FAM83B: variants seen among roughly 807,000 people sequenced by gnomAD.
FAM83B encodes the protein scaffolding CK1 anchoring protein B.
In FAM83B, 26 loss-of-function variants were observed where a neutral mutation model predicts 38.8. The ratio of observed to expected loss-of-function variants is 0.67; its 90% confidence interval spans 0.49 to 0.93. The LOEUF (loss-of-function observed/expected upper bound fraction) is 0.93. FAM83B is among the 40% of genes least tolerant of loss of function. FAM83B has a pLI of 0.00. For synonymous variants in FAM83B, 419 were observed against 423.1 expected (o/e 0.99, Z 0.12); for missense variants, 1,237 against 1,197.3 (o/e 1.03, Z -0.49).
Position 54,870,687 on chromosome 6 carries a change from A to G in FAM83B, c.441A>G (p.Arg147=). 6.3e-7 allele frequency: 1 copy of G among 1,585,372 alleles called. No individual in the cohort carries two copies. Among genetic ancestry groups the G allele is most frequent in the South Asian group, 1.1e-5 (1 of 87,296 alleles). ...ETIRKMIKEA[R]KVIALVMDIF... is the part of the protein sequence containing the mutation. ...TTCGGAAGATGATAAAAGAAGCAAG[A>G]AAGGTAATAACATTTCTATTTTGAA... The change falls in exon 2 of 5, where the codon AGA becomes AGG. Residue 147 remains arginine, a synonymous_variant. Transcript: ENST00000306858.
In FAM83B at chr6:54,940,009, T is replaced by C; in HGVS notation, c.1038T>C (p.Asn346=). The change falls in exon 5 of 5, where the codon AAT becomes AAC. Residue 346 remains asparagine, a synonymous_variant. Transcript: ENST00000306858. ...AAAACAGAGGGATATATACTTTAAA[T>C]GAACATGACAAATATAACATAAGAA... The part of the protein sequence containing the change: ...YFKNRGIYTL[N]EHDKYNIRSH... 6.2e-7 allele frequency: 1 copy of C among 1,614,048 alleles called. No homozygotes were observed. The highest frequency in any genetic ancestry group is 1.1e-5 in the South Asian group (1 of 91,090).
rs1773713806 is a variant in FAM83B at position 54,941,921 on chromosome 6, G to A, written c.2950G>A (p.Gly984Ser). The change falls in exon 5 of 5, where the codon GGT (glycine) becomes AGT (serine). Residue 984 changes from glycine (G) to serine (S), a missense_variant. By Grantham distance (56) the Gly-to-Ser change is moderately conservative. Transcript: ENST00000306858. ...TAGTCCATTGCTTAATTACAACACT[G>A]GTGTTTATCGCTCATATCAACCCAA... is the stretch of plus-strand genomic sequence containing the variant. Reference protein sequence around the residue: ...RSSPLLNYNTGVYRSYQPNEN... With the variant: ...RSSPLLNYNTSVYRSYQPNEN... 2 of 1,613,912 alleles carry A rather than the reference G, an allele frequency of 1.2e-6. No homozygotes were observed. Among genetic ancestry groups the A allele is most frequent in the Non-Finnish European group, 1.7e-6 (2 of 1,179,946 alleles).
chr6:54,924,060 A>G lies in FAM83B; in HGVS notation c.445-2311A>G, dbSNP rs183646045. Among the ~76,000 whole-genome samples the G allele has an allele frequency of 9.7e-4, 147 of 152,026 alleles. 1 individual carries two copies. Among genetic ancestry groups the G allele is most frequent in the African/African-American group, 2.2e-3 (93 of 41,474 alleles). ...TCACCTTAAAATATTTTTAGATTCT[A>G]CATATGAGTGACATCACTCAGTATT... is the stretch of plus-strand genomic sequence containing the variant. On this transcript the variant is annotated intron_variant, in intron 2 of 4. Coordinates refer to ENST00000306858, the MANE Select transcript of FAM83B (RefSeq NM_001010872.3).
At chr6:54,901,275 A>C (rs1170510987) in intron 2 of FAM83B, among the ~76,000 whole-genome samples, 2 of 152,180 alleles carry the variant, frequency 1.3e-5, no homozygotes, top group East Asian at 3.9e-4. Flanking sequence ...CCAGTGGGAC[A>C]GGGGAATTTG....
intron 4 of FAM83B, among the ~76,000 whole-genome samples, chr6:54,928,642 G>A (rs938766190): frequency 3.3e-5 from 5 of 152,088 alleles, no homozygotes; most frequent in South Asian, 2.1e-4. Context: ...CTTGAAATTC[G>A]TGAGTCCTTT....
Position 54,941,173 on chromosome 6 carries a change from T to C in FAM83B, c.2202T>C (p.Thr734=). 1 of 1,614,070 alleles carries C rather than the reference T, an allele frequency of 6.2e-7. No homozygotes were observed. Among genetic ancestry groups the C allele is most frequent in the Non-Finnish European group, 8.5e-7 (1 of 1,179,986 alleles). ...AGAGAAACTCTCCAAGTGGCACTACTACCAAATCAGTTTCCATTGCTGCTT... is the reference window on the plus strand; with the variant it reads ...AGAGAAACTCTCCAAGTGGCACTACCACCAAATCAGTTTCCATTGCTGCTT... ...VTKRNSPSGT[T]TKSVSIAALL... is the part of the protein sequence containing the mutation. The change falls in exon 5 of 5, where the codon ACT becomes ACC. Residue 734 remains threonine (T), a synonymous_variant. Coordinates refer to ENST00000306858, the MANE Select transcript of FAM83B (RefSeq NM_001010872.3).
At chr6:54,919,034 T>C (rs1460212594) in intron 2 of FAM83B, among the ~76,000 whole-genome samples, 1 of 152,126 alleles carries the variant, frequency 6.6e-6, no homozygotes, top group African/African-American at 2.4e-5. Flanking sequence ...TGAGGGCCCA[T>C]GCGTGGGACA....
intron 2 of FAM83B, among the ~76,000 whole-genome samples, chr6:54,924,034 C>T (rs1773229280): frequency 6.6e-6 from 1 of 151,950 alleles, no homozygotes; most frequent in Admixed American, 6.6e-5. Flanking sequence ...CGTTATTTCT[C>T]TCACCTTAAA....
intron 2 of FAM83B, among the ~76,000 whole-genome samples, chr6:54,894,731 C>T (rs1420596047): frequency 2.0e-5 from 3 of 152,092 alleles, no homozygotes; most frequent in South Asian, 2.1e-4. Flanking sequence ...GTAACAGGCC[C>T]TTAGAATTTA....
At chr6:54,931,566 G>GT in intron 4 of FAM83B, among the ~76,000 whole-genome samples, 1 of 151,902 alleles carries the variant, frequency 6.6e-6, no homozygotes, top group South Asian at 2.1e-4. Context: ...TCTCTTATAA[G>GT]TTTTTTATTT....
intron 2 of FAM83B, among the ~76,000 whole-genome samples, chr6:54,876,278 CATATATATATATAT>C (rs3996949): frequency 0.012 from 1,119 of 96,120 alleles, 34 homozygotes; most frequent in African/African-American, 0.04. Flanking sequence ...TTTAGGAGTG[CATATATATATATAT>C]ATATATATAT....
chr6:54,882,136 G>A (rs527532348), intron 2 of FAM83B, among the ~76,000 whole-genome samples: 3 of 152,174 alleles, frequency 2.0e-5, no homozygotes, highest in Admixed American at 6.5e-5. Context: ...GTGTATATGT[G>A]CCACATTTTC....
Position 54,940,896 on chromosome 6 carries a change from T to G in FAM83B, c.1925T>G (p.Leu642Trp), listed in dbSNP as rs1773666553. ...TCAAATAACTATATATATAAAACCTTGGGTGTAAATAAGCAGACAGAAAAT... is the reference window on the plus strand; with the variant it reads ...TCAAATAACTATATATATAAAACCTGGGGTGTAAATAAGCAGACAGAAAAT... ...TESNNYIYKTLGVNKQTENLK... is the reference protein window; with the variant it reads ...TESNNYIYKTWGVNKQTENLK... The change falls in exon 5 of 5, where the codon TTG (leucine) becomes TGG (tryptophan). Residue 642 changes from leucine (L) to tryptophan (W), a missense_variant. Leu to Trp is a moderately conservative substitution (Grantham distance 61, BLOSUM62 -2). Coordinates refer to ENST00000306858, the MANE Select transcript of FAM83B (RefSeq NM_001010872.3). 1.2e-6 allele frequency: 2 copies of G among 1,613,464 alleles called. No homozygotes were observed. The highest frequency in any genetic ancestry group is 2.7e-5 in the African/African-American group (2 of 74,854).
chr6:54,933,324 TATTCTC>T (rs1773462899), intron 4 of FAM83B, among the ~76,000 whole-genome samples: 1 of 152,120 alleles, frequency 6.6e-6, no homozygotes, highest in Non-Finnish European at 1.5e-5. Context: ...TCTTTGTTGA[TATTCTC>T]ATTCCATTGG....
chr6:54,866,978 A>AT (rs991290350), intron 1 of FAM83B, among the ~76,000 whole-genome samples: 1 of 151,558 alleles, frequency 6.6e-6, no homozygotes, highest in African/African-American at 2.4e-5. Context: ...GCAATTTTTA[A>AT]TTTTTTTTGA....
chr6:54,896,712 A>C (rs1481504104), intron 2 of FAM83B, among the ~76,000 whole-genome samples: 1 of 152,216 alleles, frequency 6.6e-6, no homozygotes, highest in African/African-American at 2.4e-5. Flanking sequence ...ATAATACTAA[A>C]TTTAAATTAT....
chr6:54,912,897 T>C (rs915235727), intron 2 of FAM83B, among the ~76,000 whole-genome samples: 2 of 151,988 alleles, frequency 1.3e-5, no homozygotes, highest in Non-Finnish European at 2.9e-5. Context: ...ATTAGGTAGA[T>C]AGAAATTGAC....
intron 2 of FAM83B, among the ~76,000 whole-genome samples, chr6:54,891,257 C>T (rs761345649): frequency 2.6e-5 from 4 of 152,228 alleles, no homozygotes; most frequent in South Asian, 2.1e-4. Flanking sequence ...AGGCTACTGT[C>T]GTCCACATGA....
intron 1 of FAM83B, among the ~76,000 whole-genome samples, chr6:54,855,827 T>C (rs1771434452): frequency 6.6e-6 from 1 of 152,164 alleles, no homozygotes; most frequent in African/African-American, 2.4e-5. Flanking sequence ...AGTAAATAAT[T>C]TGATAAAACC....
Sources: allele counts gnomAD v4.1 joint callset (sites outside exome capture counted in the v4.1 genomes callset), GRCh38; gene constraint gnomAD v4.1.1; transcripts MANE v1.5; gene names NCBI Gene and HGNC (gene_info 2026-07-23, HGNC 2026-07-21).